The following ATP11A variants were observed in gnomAD, a reference collection of about 807,000 sequenced individuals.
The protein encoded by ATP11A is phospholipid-transporting ATPase IH.
In ATP11A, 81 loss-of-function variants were observed where a neutral mutation model predicts 154.4. That is an observed-to-expected ratio of 0.52 (90% CI 0.44 to 0.63). The LOEUF is 0.63. Among genes scored for constraint, ATP11A ranks in the 30% least tolerant of loss-of-function variants. The pLI, the probability that ATP11A is intolerant of heterozygous loss-of-function variation, is 0.00. For missense variants in ATP11A, 1,316 were observed against 1,474.3 expected (o/e 0.89, Z 1.76); for synonymous variants, 623 against 585.9 (o/e 1.06, Z -0.91).
chr13:112,868,048 A>G (rs1191021668), intron 25 of ATP11A, among the ~76,000 whole-genome samples: 2 of 152,234 alleles, frequency 1.3e-5, no homozygotes, highest in Admixed American at 6.5e-5. Context: ...CCAATGGAGC[A>G]TTTTCTGCAC....
chr13:112,819,457 A>G (rs1391955367), intron 7 of ATP11A, 50 bp downstream of exon 7: 5 of 1,537,872 alleles, frequency 3.3e-6, no homozygotes, highest in Admixed American at 1.7e-5. Context: ...TGCCCTCAAC[A>G]TTGCTCTTGC....
Position 112,690,497 on chromosome 13 carries a change from C to A in ATP11A, c.39+42C>A. On this transcript the variant is annotated intron_variant, in intron 1 of 29. Coordinates refer to ENST00000375645, the MANE Select transcript of ATP11A (RefSeq NM_015205.3). This position sits in a 1 kb window ranked among gnomAD's most constrained non-coding sequence, Gnocchi z 5.6. ...CGGGCTGGGGGACCCGGGGACCAGA[C>A]AGACGCGGGCCGGCCCCGCAGCCCG... The A allele has an allele frequency of 7.7e-7, 1 of 1,290,776 alleles. No homozygotes were observed. The highest frequency in any genetic ancestry group is 9.8e-7 in the Non-Finnish European group (1 of 1,019,576). 80.0% of individuals were successfully genotyped at this position (1,290,776 alleles called of 1,614,324 possible).
At chr13:112,767,912 C>T (rs957784454) in intron 1 of ATP11A, among the ~76,000 whole-genome samples, 2 of 152,098 alleles carry the variant, frequency 1.3e-5, no homozygotes, top group African/African-American at 2.4e-5. Flanking sequence ...CTTGTGGTTT[C>T]GCTGCTGGCT....
Position 112,697,732 on chromosome 13 carries a change from T to G in ATP11A, c.39+7277T>G, listed in dbSNP as rs1271067548. Among the ~76,000 whole-genome samples the G allele has an allele frequency of 1.7e-4, 1 of 5,856 alleles. No homozygotes were observed. Among genetic ancestry groups the G allele is most frequent in the Non-Finnish European group, 9.2e-4 (1 of 1,082 alleles). The allele number at this position is 5,856 out of a possible 152,430, so 3.8% of individuals were successfully genotyped here. On this transcript the variant is annotated intron_variant, in intron 1 of 29. Transcript: ENST00000375645. This position sits in a 1 kb window ranked among gnomAD's most constrained non-coding sequence, Gnocchi z 4.0. Reference sequence around the variant, plus strand: ...TGTGCCACGACGCCCGGCCAGTTTTTTTTTTTTTTTTTTTTTTTTTTAGTA... The same window carrying G: ...TGTGCCACGACGCCCGGCCAGTTTTGTTTTTTTTTTTTTTTTTTTTTAGTA...
chr13:112,773,201 T>TCCTGC lies in ATP11A; in HGVS notation c.40-11911_40-11907dup, dbSNP rs113451894. Among the ~76,000 whole-genome samples, 76 of 151,642 alleles carry TCCTGC rather than the reference T, an allele frequency of 5.0e-4. 1 individual carries two copies. Among genetic ancestry groups the TCCTGC allele is most frequent in the African/African-American group, 1.0e-3 (42 of 41,238 alleles). ...CTGGGTTCTGATGAGCTGTGGCGCC[T>TCCTGC]CCTGCCCTGCCCTGCCCTGCCCTGC... On this transcript the variant is annotated intron_variant, in intron 1 of 29. Coordinates refer to ENST00000375645, the MANE Select transcript of ATP11A (RefSeq NM_015205.3).
intron 1 of ATP11A, among the ~76,000 whole-genome samples, chr13:112,709,236 A>G (rs1332800463): frequency 6.6e-6 from 1 of 152,200 alleles, no homozygotes; most frequent in Non-Finnish European, 1.5e-5. Context: ...TTCTCATCAG[A>G]TGGGTTTTAT....
intron 1 of ATP11A, among the ~76,000 whole-genome samples, chr13:112,699,770 C>T (rs746966128): frequency 1.2e-4 from 19 of 152,160 alleles, no homozygotes; most frequent in African/African-American, 3.4e-4. Context: ...AGCCTCCTGC[C>T]GGGGAGCCTG....
rs1289396622 is a variant in ATP11A, at chr13:112,886,722, TA to T, written c.*4857del. ...TTTATCAAAGTATACAGAATTTTAATATGCATATATTGTGTCTGACTTAAAA... is the reference window on the plus strand; with the variant it reads ...TTTATCAAAGTATACAGAATTTTAATTGCATATATTGTGTCTGACTTAAAA... On this transcript the variant is annotated 3_prime_UTR_variant, in exon 30 of 30. Coordinates refer to ENST00000375645, the MANE Select transcript of ATP11A (RefSeq NM_015205.3). 6.6e-6 allele frequency: 1 copy of T among 152,624 alleles called. No homozygotes were observed. The highest frequency in any genetic ancestry group is 6.5e-5 in the Admixed American group (1 of 15,286). The allele number at this position is 152,624 out of a possible 1,614,324, so 9.5% of individuals were successfully genotyped here. A position where few individuals can be genotyped will look rare whatever the true frequency, so the allele number is the denominator to read the frequency against.
chr13:112,867,984 C>A (rs867470748), intron 25 of ATP11A, among the ~76,000 whole-genome samples: 1 of 152,186 alleles, frequency 6.6e-6, no homozygotes, highest in Non-Finnish European at 1.5e-5. Flanking sequence ...ATCTATAGAT[C>A]CTGTGTAGGA....
rs773416650 is a variant in ATP11A, at chr13:112,875,797, G to C, written c.3183G>C (p.Arg1061Ser). 10 of 1,613,884 alleles carry C rather than the reference G, an allele frequency of 6.2e-6. No individual in the cohort carries two copies. In the South Asian group the frequency reaches 9.9e-5, roughly 16 times the overall value. ...TCAGGCCGTTCCTCAACTACCAGAG[G>C]ATGTACTACGTGTTCATCCAGATGC... is the stretch of plus-strand genomic sequence containing the variant. ...GVIWPFLNYQRMYYVFIQMLS... is the reference protein window; with the variant it reads ...GVIWPFLNYQSMYYVFIQMLS... The change falls in exon 28 of 30, where the codon AGG (arginine) becomes AGC (serine). Residue 1061 changes from arginine to serine, a missense_variant. Arg to Ser is a moderately radical substitution (Grantham distance 110). This residue lies in a region of ATP11A where 294 missense variants were observed against 290.2 expected (regional missense o/e 1.01). Transcript: ENST00000375645. This position sits in a 1 kb window ranked among gnomAD's most constrained non-coding sequence, Gnocchi z 4.1.
At position 112,882,457 on chromosome 13, in the gene ATP11A, G is replaced by C; in HGVS notation, c.*591G>C. 2.2e-6 allele frequency: 1 copy of C among 454,824 alleles called. No homozygotes were observed. The highest frequency in any genetic ancestry group is 3.9e-6 in the Non-Finnish European group (1 of 255,958). The allele number at this position is 454,824 out of a possible 1,614,324, so 28.2% of individuals were successfully genotyped here. Reference sequence around the variant, plus strand: ...GGGTGAGGTGGAGCCATGGTGGTGCGTCCTTTACTCAACAACCCTCCAATC... The same window carrying C: ...GGGTGAGGTGGAGCCATGGTGGTGCCTCCTTTACTCAACAACCCTCCAATC... On this transcript the variant is annotated 3_prime_UTR_variant, in exon 30 of 30. Coordinates refer to ENST00000375645, the MANE Select transcript of ATP11A (RefSeq NM_015205.3). The surrounding 1 kb of genome is among the most constrained non-coding windows in gnomAD (Gnocchi z 5.1).
intron 1 of ATP11A, among the ~76,000 whole-genome samples, chr13:112,743,286 AG>A (rs1183147281): frequency 2.6e-5 from 4 of 152,100 alleles, no homozygotes; most frequent in African/African-American, 9.7e-5. Flanking sequence ...GGGCTGAGGG[AG>A]GTTTTTAAGG....
intron 2 of ATP11A, among the ~76,000 whole-genome samples, chr13:112,787,751 C>T (rs376003391): frequency 0.11 from 8,981 of 82,852 alleles, no homozygotes; most frequent in African/African-American, 0.2. Context: ...ATGTGTAGAC[C>T]CCTGTGGAGA....
At position 112,690,828 on chromosome 13, in the gene ATP11A, G is replaced by C. The variant is rs372111368; in HGVS notation, c.39+373G>C. Among the ~76,000 whole-genome samples the C allele has an allele frequency of 1.3e-5, 2 of 152,332 alleles. No homozygotes were observed. The highest frequency in any genetic ancestry group is 3.9e-4 in the East Asian group (2 of 5,160). On this transcript the variant is annotated intron_variant, in intron 1 of 29. Coordinates refer to ENST00000375645, the MANE Select transcript of ATP11A (RefSeq NM_015205.3). The surrounding 1 kb of genome is among the most constrained non-coding windows in gnomAD (Gnocchi z 5.6). ...AGGGAGCCAACTTCGACCCCGCCGG[G>C]GCCCGGGTCTGGGGAGGAACCTTCA...
intron 4 of ATP11A, among the ~76,000 whole-genome samples, chr13:112,806,553 C>G (rs1366728835): frequency 6.6e-6 from 1 of 152,202 alleles, no homozygotes; most frequent in African/African-American, 2.4e-5. Context: ...CAGAGATGAT[C>G]TGATCAGATG....
rs2076751014 is a variant in ATP11A at position 112,753,706 on chromosome 13, G to T, written c.40-31429G>T. Among the ~76,000 whole-genome samples, 5 of 152,058 alleles carry T rather than the reference G, an allele frequency of 3.3e-5. No individual in the cohort carries two copies. The Middle Eastern group carries it at 0.017, about 517-fold the overall frequency. On this transcript the variant is annotated intron_variant, in intron 1 of 29. Coordinates refer to ENST00000375645, the MANE Select transcript of ATP11A (RefSeq NM_015205.3). The surrounding 1 kb of genome is among the most constrained non-coding windows in gnomAD (Gnocchi z 4.1). ...TTCTTTATTCTTGATATTTTTGTGT[G>T]CCTGATTCCTGACATATTTATTATT...
intron 27 of ATP11A, 142 bp downstream of exon 27, chr13:112,873,818 G>A (rs1158797707): frequency 1.9e-5 from 14 of 737,668 alleles, no homozygotes; most frequent in East Asian, 5.5e-5. Flanking sequence ...GCTGGGTGTC[G>A]TGGGGTCCTG....
chr13:112,751,163 C>T (rs777006437), intron 1 of ATP11A, among the ~76,000 whole-genome samples: 19 of 152,180 alleles, frequency 1.2e-4, no homozygotes, highest in African/African-American at 4.3e-4. Context: ...CCGGTGTAAG[C>T]GCGTCTTCGT....
At chr13:112,868,860 C>G (rs770160893) in intron 25 of ATP11A, among the ~76,000 whole-genome samples, 1 of 152,124 alleles carries the variant, frequency 6.6e-6, no homozygotes, top group Non-Finnish European at 1.5e-5. Flanking sequence ...AGGAAACTTA[C>G]AATCATGGCG....
Sources: gnomAD v4.1 joint callset for allele counts (sites outside exome capture counted in the v4.1 genomes callset) on GRCh38, gnomAD v4.1.1 for gene constraint, gnomAD v4.1.1 regional missense constraint, Gnocchi (gnomAD v3.1) non-coding constraint, MANE v1.5 for transcripts, NCBI Gene and HGNC (gene_info 2026-07-23, HGNC 2026-07-21) for gene names.